Variants in TLE1 observed in about 807,000 individuals in gnomAD.
TLE1 encodes transducin-like enhancer protein 1.
TLE1 carries 21 observed loss-of-function variants against 89.8 expected under a neutral mutation model. The observed-to-expected ratio is 0.23, with a 90% confidence interval of 0.17 to 0.34. The LOEUF is 0.34. Among genes scored for constraint, TLE1 ranks in the 10% least tolerant of loss-of-function variants. TLE1 has a pLI of 1.00. For synonymous variants in TLE1, 447 were observed against 407.6 expected (o/e 1.10, Z -1.16); for missense variants, 795 against 1,031.2 (o/e 0.77, Z 3.14).
chr9:81,645,917 A>T (rs1468221840), intron 6 of TLE1, among the ~76,000 whole-genome samples: 1 of 152,188 alleles, frequency 6.6e-6, no homozygotes, highest in South Asian at 2.1e-4. Context: ...ACACAGGTGT[A>T]ACTCCTATAA....
At chr9:81,601,185 AAAACAGAG>A (rs1830873367) in intron 14 of TLE1, among the ~76,000 whole-genome samples, 1 of 152,236 alleles carries the variant, frequency 6.6e-6, no homozygotes, top group Non-Finnish European at 1.5e-5. Flanking sequence ...AATCTAGACA[AAAACAGAG>A]AAACCAGAAG....
chr9:81,650,545 T>C (rs924580044), intron 6 of TLE1, among the ~76,000 whole-genome samples: 5 of 152,330 alleles, frequency 3.3e-5, no homozygotes, highest in Admixed American at 6.5e-5. Flanking sequence ...TCAAACACAG[T>C]ACATGCAAAA....
chr9:81,660,341 C>T (rs75270768), intron 4 of TLE1, among the ~76,000 whole-genome samples: 2 of 114,704 alleles, frequency 1.7e-5, no homozygotes, highest in Non-Finnish European at 3.6e-5. Flanking sequence ...AGGCTGTTCA[C>T]AAAAAAAAAA....
chr9:81,590,812 G>A lies in TLE1; in HGVS notation c.1822C>T (p.Leu608=), dbSNP rs577470517. The change falls in exon 16 of 20, where the codon CTA becomes TTA. Residue 608 remains leucine, a synonymous_variant. Coordinates refer to ENST00000376499, the MANE Select transcript of TLE1 (RefSeq NM_005077.5). The stretch of plus-strand genomic sequence containing the variant: ...ACGACCATCTTTGCTCACCTCACTA[G>A]TGTCTGGTTGTGCAGATCCCACACA... The part of the protein sequence containing the change: ...IAVWDLHNQT[L]VRQFQGHTDG... 460 of 1,613,928 alleles carry A rather than the reference G, an allele frequency of 2.9e-4. 4 individuals carry two copies. In the South Asian group the frequency reaches 4.8e-3, roughly 17 times the overall value.
At chr9:81,616,583 GTTTT>G (rs374667036) in intron 10 of TLE1, 59 bp downstream of exon 10, 4 of 1,578,864 alleles carry the variant, frequency 2.5e-6, no homozygotes. Flanking sequence ...TTCACTGTTA[GTTTT>G]TTTTCATAAC....
In TLE1 at chr9:81,688,422, C is replaced by T. The variant is rs1215128474; in HGVS notation, c.-182G>A. 1.7e-6 allele frequency: 1 copy of T among 592,660 alleles called. No homozygotes were observed. The highest frequency in any genetic ancestry group is 2.7e-6 in the Non-Finnish European group (1 of 368,986). The allele number at this position is 592,660 out of a possible 1,614,324, so 36.7% of individuals were successfully genotyped here. A position where few individuals can be genotyped will look rare whatever the true frequency, so the allele number is the denominator to read the frequency against. ...CGGCGCCCGCAGCTGCTCCGGCTCC[C>T]GCTCCCGTCGGTGCGGGCTCCGGCC... On this transcript the variant is annotated 5_prime_UTR_variant, in exon 1 of 20. Transcript: ENST00000376499.
At chr9:81,658,904 T>C (rs1218382816) in intron 4 of TLE1, among the ~76,000 whole-genome samples, 1 of 152,046 alleles carries the variant, frequency 6.6e-6, no homozygotes, top group Non-Finnish European at 1.5e-5. Context: ...ATGTATTTAT[T>C]TATCTATTTA....
At chr9:81,628,396 T>G (rs1296163478) in intron 8 of TLE1, among the ~76,000 whole-genome samples, 1 of 152,224 alleles carries the variant, frequency 6.6e-6, no homozygotes, top group East Asian at 1.9e-4. Flanking sequence ...GATGCCGCCA[T>G]GGTTCCCATA....
intron 19 of TLE1, 21 bp from the exon 20 acceptor site, chr9:81,584,326 C>T (rs1383084306): frequency 6.2e-7 from 1 of 1,612,668 alleles, no homozygotes; most frequent in East Asian, 2.2e-5. Flanking sequence ...AAACAATGGA[C>T]ATGTGTTTAA....
At chr9:81,615,961 G>C in intron 11 of TLE1, 21 bp downstream of exon 11, 2 of 1,612,740 alleles carry the variant, frequency 1.2e-6, no homozygotes, top group Non-Finnish European at 1.7e-6. Flanking sequence ...AAACAGGCAA[G>C]TGTCAGTTTT....
intron 16 of TLE1, among the ~76,000 whole-genome samples, chr9:81,589,731 A>G (rs1678322506): frequency 6.6e-6 from 1 of 152,200 alleles, no homozygotes; most frequent in South Asian, 2.1e-4. Context: ...TAGAATTGAT[A>G]TTTTGAAAGT....
chr9:81,599,851 A>G, intron 14 of TLE1: 1 of 403,104 alleles, frequency 2.5e-6, no homozygotes, highest in Non-Finnish European at 4.4e-6. Flanking sequence ...TCAAAGCATT[A>G]GGTTGGGAGA....
At chr9:81,587,567 T>C (rs1828696373) in intron 17 of TLE1, 114 bp downstream of exon 17, 1 of 1,359,312 alleles carries the variant, frequency 7.4e-7, no homozygotes, top group African/African-American at 1.5e-5. Flanking sequence ...AATTCAGCCC[T>C]GATCTGTTTG....
At chr9:81,627,778 A>G (rs1826080905) in intron 8 of TLE1, among the ~76,000 whole-genome samples, 2 of 152,192 alleles carry the variant, frequency 1.3e-5, no homozygotes, top group East Asian at 1.9e-4. Flanking sequence ...CTTTTGAGAA[A>G]TTTGATTATC....
chr9:81,635,337 G>A lies in TLE1; in HGVS notation c.373-1036C>T, dbSNP rs199561928. Among the ~76,000 whole-genome samples the A allele has an allele frequency of 1.6e-4, 24 of 152,246 alleles. No individual in the cohort carries two copies. The East Asian group carries it at 3.3e-3, about 21-fold the overall frequency. Reference sequence around the variant, plus strand: ...ACTTATGTGTGGGACTCCAGCCAGCGAGCCAAGCCCCCGTTCCCAAATGCC... The same window carrying A: ...ACTTATGTGTGGGACTCCAGCCAGCAAGCCAAGCCCCCGTTCCCAAATGCC... On this transcript the variant is annotated intron_variant, in intron 6 of 19. Coordinates refer to ENST00000376499, the MANE Select transcript of TLE1 (RefSeq NM_005077.5).
chr9:81,587,922 G>GTGTCTGTCATCCCGCC (rs143574563), intron 16 of TLE1, 94 bp from the exon 17 acceptor site: 1 of 974,638 alleles, frequency 1.0e-6, no homozygotes, highest in Non-Finnish European at 1.4e-6. Context: ...GTGTGTGTGT[G>GTGTCTGTCATCCCGCC]TGTGTGTGTG....
intron 6 of TLE1, among the ~76,000 whole-genome samples, chr9:81,643,709 G>T (rs7047203): frequency 0.36 from 55,026 of 151,788 alleles, 10,163 homozygotes; most frequent in Middle Eastern, 0.4. Flanking sequence ...TAATTTTTTT[G>T]ATTTTCAGTG....
chr9:81,659,983 G>C (rs1015855480), intron 4 of TLE1, among the ~76,000 whole-genome samples: 2 of 152,044 alleles, frequency 1.3e-5, no homozygotes, highest in African/African-American at 4.8e-5. Context: ...CTCTTCTCTA[G>C]GCCCTTCAAG....
Position 81,672,178 on chromosome 9 carries a change from T to C in TLE1, c.234+13498A>G, listed in dbSNP as rs544424293. Among the ~76,000 whole-genome samples, 192 of 152,288 alleles carry C rather than the reference T, an allele frequency of 1.3e-3. 5 individuals carry two copies. The highest frequency in any genetic ancestry group is 2.3e-3 in the South Asian group (11 of 4,828). ...TTTGAGAGCAGGTACTGGCACAACTTGTCTGAACTGTGCCCTGCTTTATCT... is the reference window on the plus strand; with the variant it reads ...TTTGAGAGCAGGTACTGGCACAACTCGTCTGAACTGTGCCCTGCTTTATCT... On this transcript the variant is annotated intron_variant, in intron 4 of 19. Transcript: ENST00000376499.
Sources: allele counts gnomAD v4.1 joint callset (sites outside exome capture counted in the v4.1 genomes callset), GRCh38; gene constraint gnomAD v4.1.1; transcripts MANE v1.5; gene names NCBI Gene and HGNC (gene_info 2026-07-23, HGNC 2026-07-21).